The following PCDH15 variants were observed in gnomAD, a reference collection of about 807,000 sequenced individuals.
The protein encoded by PCDH15 is protocadherin related 15, also known as protocadherin-15.
In PCDH15, 129 loss-of-function variants were observed where a neutral mutation model predicts 178.5. That is an observed-to-expected ratio of 0.72 (90% CI 0.63 to 0.84). The LOEUF (loss-of-function observed/expected upper bound fraction) is 0.84, where lower values mean the gene tolerates loss of function less well. Among genes scored for constraint, PCDH15 ranks in the 40% least tolerant of loss-of-function variants. PCDH15 has a pLI of 0.00. For missense variants in PCDH15, 2,230 were observed against 2,099.9 expected (o/e 1.06, Z -1.21); for synonymous variants, 800 against 732.0 (o/e 1.09, Z -1.50).
chr10:54,364,286 T>A (rs1022846147), intron 5 of PCDH15, among the ~76,000 whole-genome samples: 1 of 152,204 alleles, frequency 6.6e-6, no homozygotes. Context: ...TTTTTTTCTG[T>A]AAATACTGTT....
At chr10:53,977,648 G>A (rs2090296297) in intron 21 of PCDH15, among the ~76,000 whole-genome samples, 1 of 152,088 alleles carries the variant, frequency 6.6e-6, no homozygotes, top group Non-Finnish European at 1.5e-5. Flanking sequence ...CTTCCCAACA[G>A]TCCCTCAAAG....
intron 3 of PCDH15, among the ~76,000 whole-genome samples, chr10:54,814,997 A>G (rs1391164150): frequency 6.6e-6 from 1 of 152,042 alleles, no homozygotes; most frequent in Non-Finnish European, 1.5e-5. Context: ...TTGTCACCCA[A>G]ATCTAGTCAA....
intron 35 of PCDH15, among the ~76,000 whole-genome samples, chr10:53,814,280 G>A (rs2075981181): frequency 1.3e-5 from 2 of 152,086 alleles, no homozygotes; most frequent in South Asian, 4.1e-4. Context: ...ACAACATTAG[G>A]TAATAGTAAG....
chr10:54,023,183 A>C lies in PCDH15; in HGVS notation c.2235T>G (p.Asp745Glu). ...AGTGCACTTGACCATTTATTCCAGC[A>C]TCAGGGTCTGTTGCCTATTAAATAA... ...FVGQVKATDP[D>E]AGINGQVHYS... Residue 745 changes from aspartate to glutamate, a missense_variant, in exon 19 of 38, where the codon GAT becomes GAG. Coordinates refer to ENST00000644397, the MANE Select transcript of PCDH15 (RefSeq NM_001384140.1). 12 of 1,613,584 alleles carry C rather than the reference A, an allele frequency of 7.4e-6. No homozygotes were observed. Among genetic ancestry groups the C allele is most frequent in the Non-Finnish European group, 1.0e-5 (12 of 1,179,860 alleles).
intron 2 of PCDH15, among the ~76,000 whole-genome samples, chr10:55,549,105 A>G (rs1841951154): frequency 1.3e-5 from 2 of 152,236 alleles, no homozygotes; most frequent in South Asian, 4.1e-4. Context: ...CATAGCTACA[A>G]TTCAGTCTAC....
chr10:54,497,695 G>A (rs1340214879), intron 3 of PCDH15, among the ~76,000 whole-genome samples: 4 of 152,008 alleles, frequency 2.6e-5, no homozygotes, highest in Non-Finnish European at 5.9e-5. Context: ...CCAAGCTGAG[G>A]AAAGAACCTC....
At chr10:54,537,388 AT>A (rs1408455230) in intron 2 of PCDH15, among the ~76,000 whole-genome samples, 2 of 152,180 alleles carry the variant, frequency 1.3e-5, no homozygotes, top group African/African-American at 2.4e-5. Context: ...ACTCTAAAAT[AT>A]CAAGGAGGAG....
At chr10:54,929,018 G>A (rs1190039666) in intron 2 of PCDH15, among the ~76,000 whole-genome samples, 3 of 152,184 alleles carry the variant, frequency 2.0e-5, no homozygotes, top group Non-Finnish European at 4.4e-5. Context: ...TTTTTGAGTT[G>A]TTAGAGTTAT....
intron 2 of PCDH15, among the ~76,000 whole-genome samples, chr10:54,595,131 G>A (rs868643572): frequency 4.6e-5 from 7 of 152,178 alleles, no homozygotes; most frequent in African/African-American, 1.2e-4. Flanking sequence ...GGAGGATGCC[G>A]CTGGTACATG....
intron 1 of PCDH15, among the ~76,000 whole-genome samples, chr10:54,720,383 G>A (rs1275937793): frequency 6.0e-5 from 9 of 149,656 alleles, no homozygotes; most frequent in Non-Finnish European, 1.3e-4. Context: ...AGTCAAAGTG[G>A]AAAAAAAAAT....
chr10:54,452,633 C>T (rs1160635874), intron 3 of PCDH15: 6 of 151,894 alleles, frequency 4.0e-5, no homozygotes, highest in South Asian at 2.1e-4. Context: ...TTTTACTTCT[C>T]GTCTTCCATT....
chr10:54,078,973 C>T (rs1405584400), intron 17 of PCDH15, among the ~76,000 whole-genome samples: 1 of 152,094 alleles, frequency 6.6e-6, no homozygotes, highest in African/African-American at 2.4e-5. Flanking sequence ...AAAAATGACG[C>T]TAAGTGTAAC....
intron 8 of PCDH15, among the ~76,000 whole-genome samples, chr10:54,259,355 C>G (rs1275568433): frequency 6.6e-6 from 1 of 152,078 alleles, no homozygotes; most frequent in Non-Finnish European, 1.5e-5. Flanking sequence ...TGAATGGATT[C>G]AGAATCAGCA....
At position 55,450,356 on chromosome 10, in the gene PCDH15, A is replaced by G. The variant is rs143743350; in HGVS notation, c.-156+177269T>C. Among the ~76,000 whole-genome samples, 487 of 152,318 alleles carry G rather than the reference A, an allele frequency of 3.2e-3. 2 individuals are homozygous for G. Among genetic ancestry groups the G allele is most frequent in the Non-Finnish European group, 5.4e-3 (367 of 68,030 alleles). ...GAGAGGCACTGTCACTTTGGATAAC[A>G]GATTACACTCACTCTTAGGAGATGG... On this transcript the variant is annotated intron_variant, in intron 2 of 5. Transcript: ENST00000613346.
intron 2 of PCDH15, among the ~76,000 whole-genome samples, chr10:55,526,700 T>C (rs746605384): frequency 6.6e-6 from 1 of 152,106 alleles, no homozygotes; most frequent in Admixed American, 6.6e-5. Flanking sequence ...AGGTTTATAA[T>C]TTATGCTTGT....
intron 16 of PCDH15, among the ~76,000 whole-genome samples, chr10:54,084,379 AG>A (rs1175708171): frequency 2.6e-5 from 4 of 151,776 alleles, no homozygotes; most frequent in Non-Finnish European, 5.9e-5. Flanking sequence ...AGGCTGAGGG[AG>A]GAGAATCCCT....
Position 55,158,714 on chromosome 10 carries a change from GAAAA to G in PCDH15, c.-80+7858_-80+7861del, listed in dbSNP as rs1838969123. Among the ~76,000 whole-genome samples, 12 of 151,106 alleles carry G rather than the reference GAAAA, an allele frequency of 7.9e-5. No individual in the cohort carries two copies. The South Asian group carries it at 2.5e-3, about 32-fold the overall frequency. On this transcript the variant is annotated intron_variant, in intron 2 of 5. Transcript: ENST00000458638. The stretch of plus-strand genomic sequence containing the variant: ...TAAGTAAAAAAAAAAAAGAAAGAAA[GAAAA>G]AGAAAAAAGAAAAAAACAAACTGAG...
rs1837421403 is a variant in PCDH15, at chr10:55,622,208, A to AGC, written c.-156+5416_-156+5417insGC. On this transcript the variant is annotated intron_variant, in intron 2 of 5. Coordinates refer to the PCDH15 transcript ENST00000613346. ...ATACATTTTATGTAGACAGGGTCTC[A>AGC]CTATGCTGCCCAGGCTGGTCTTAAA... 2.5e-5 allele frequency among the ~76,000 whole-genome samples: 3 copies of AGC among 118,386 alleles called. No homozygotes were observed. In the Admixed American group the frequency reaches 2.6e-4, roughly 10 times the overall value. 77.7% of individuals were successfully genotyped at this position (118,386 alleles called of 152,430 possible). A position where few individuals can be genotyped will look rare whatever the true frequency, so the allele number is the denominator to read the frequency against.
At chr10:55,241,317 C>T (rs1841536806) in intron 1 of PCDH15, among the ~76,000 whole-genome samples, 1 of 152,150 alleles carries the variant, frequency 6.6e-6, no homozygotes, top group African/African-American at 2.4e-5. Context: ...ATCTATCTTC[C>T]TCATTAACCT....
Sources: gnomAD v4.1 joint callset for allele counts (sites outside exome capture counted in the v4.1 genomes callset) on GRCh38, gnomAD v4.1.1 for gene constraint, MANE v1.5 for transcripts, NCBI Gene and HGNC (gene_info 2026-07-23, HGNC 2026-07-21) for gene names.